The following TBC1D30 variants were observed in gnomAD, a reference collection of about 807,000 sequenced individuals.
TBC1D30 encodes TBC1 domain family, member 30.
TBC1D30 carries 31 observed loss-of-function variants against 63.2 expected under a neutral mutation model. The ratio of observed to expected loss-of-function variants is 0.49; its 90% confidence interval spans 0.37 to 0.66. TBC1D30 has a LOEUF of 0.66. Among genes scored for constraint, TBC1D30 ranks in the 30% least tolerant of loss-of-function variants. The pLI, the probability that TBC1D30 is intolerant of heterozygous loss-of-function variation, is 0.00. For missense variants in TBC1D30, 810 were observed against 953.6 expected (o/e 0.85, Z 1.98); for synonymous variants, 307 against 361.5 (o/e 0.85, Z 1.71).
intron 8 of TBC1D30, among the ~76,000 whole-genome samples, chr12:64,861,422 A>G (rs1361573428): frequency 2.0e-5 from 3 of 152,052 alleles, no homozygotes; most frequent in Non-Finnish European, 4.4e-5. Flanking sequence ...TAGTGCTGTC[A>G]GCAAACCCAA....
At chr12:64,864,081 C>T (rs1878007522) in intron 8 of TBC1D30, among the ~76,000 whole-genome samples, 1 of 151,734 alleles carries the variant, frequency 6.6e-6, no homozygotes, top group South Asian at 2.1e-4. Context: ...ACAGCCTAGG[C>T]TTTACACCCT....
At chr12:64,809,561 G>T (rs538205902) in intron 2 of TBC1D30, among the ~76,000 whole-genome samples, 4 of 152,276 alleles carry the variant, frequency 2.6e-5, no homozygotes, top group Admixed American at 1.3e-4. Context: ...ACATGCATGT[G>T]CAAGTGTCCT....
chr12:64,763,236 G>GT (rs1485487488), intron 1 of TBC1D30, among the ~76,000 whole-genome samples: 4 of 152,198 alleles, frequency 2.6e-5, no homozygotes, highest in African/African-American at 9.6e-5. Context: ...GATTATAGGC[G>GT]TGAGTTTTAT....
At chr12:64,771,293 C>T (rs909504393) in intron 1 of TBC1D30, among the ~76,000 whole-genome samples, 2 of 152,080 alleles carry the variant, frequency 1.3e-5, no homozygotes, top group Middle Eastern at 3.4e-3. Flanking sequence ...GTCATGACAT[C>T]TATAGCAGGA....
rs1565698424 is a variant in TBC1D30, at chr12:64,877,742, C to T, written c.*1954C>T. 1 of 152,254 alleles carries T rather than the reference C, an allele frequency of 6.6e-6. No homozygotes were observed. The highest frequency in any genetic ancestry group is 1.5e-5 in the Non-Finnish European group (1 of 68,068). The allele number at this position is 152,254 out of a possible 1,614,324, so 9.4% of individuals were successfully genotyped here. On this transcript the variant is annotated 3_prime_UTR_variant, in exon 12 of 12. Coordinates refer to ENST00000539867, the MANE Select transcript of TBC1D30 (RefSeq NM_015279.2). ...TTAAGCAAATGACACCATTTTCTTC[C>T]ATCAGCTAAACTTTACAGATAATAG...
intron 8 of TBC1D30, among the ~76,000 whole-genome samples, chr12:64,847,554 C>T (rs1161080199): frequency 6.6e-6 from 1 of 151,662 alleles, no homozygotes; most frequent in Non-Finnish European, 1.5e-5. Context: ...TTCACTGTGA[C>T]CCCATAGGTT....
chr12:64,832,684 G>A (rs901863538), intron 5 of TBC1D30, among the ~76,000 whole-genome samples: 2 of 152,208 alleles, frequency 1.3e-5, no homozygotes, highest in African/African-American at 4.8e-5. Flanking sequence ...CATCACTGTT[G>A]CTGTTGGTTG....
At chr12:64,794,690 C>T (rs974282908) in intron 2 of TBC1D30, among the ~76,000 whole-genome samples, 2 of 152,158 alleles carry the variant, frequency 1.3e-5, no homozygotes, top group Admixed American at 6.5e-5. Context: ...CCCCCTATCT[C>T]GGCCTCCCAA....
intron 1 of TBC1D30, among the ~76,000 whole-genome samples, chr12:64,769,384 T>G (rs1870825292): frequency 1.3e-5 from 2 of 151,400 alleles, no homozygotes; most frequent in Admixed American, 1.3e-4. Context: ...TTTTGTAATT[T>G]TTTTTTTTTT....
exon 2 of TBC1D30, chr12:64,785,886 A>C: frequency 7.8e-7 from 1 of 1,289,358 alleles, no homozygotes; most frequent in Non-Finnish European, 1.0e-6. Context: ...GATAGACGCT[A>C]ATGAACTGAA....
intron 2 of TBC1D30, among the ~76,000 whole-genome samples, chr12:64,790,665 C>T (rs1030963467): frequency 3.9e-5 from 6 of 152,212 alleles, no homozygotes; most frequent in African/African-American, 1.2e-4. Context: ...TGTCCACTCT[C>T]ACATCCTGAT....
chr12:64,828,368 C>G lies in TBC1D30; in HGVS notation c.217-76C>G. 2.8e-6 allele frequency: 3 copies of G among 1,085,580 alleles called. No individual in the cohort carries two copies. The Admixed American group carries it at 6.1e-5, about 22-fold the overall frequency. The allele number at this position is 1,085,580 out of a possible 1,614,324, so 67.2% of individuals were successfully genotyped here. ...AAATTTCAGCACATTCTATGAATGT[C>G]AAGATGGGAAAAAGATTGCAAAGTG... On this transcript the variant is annotated intron_variant, in intron 2 of 11. Transcript: ENST00000539867.
intron 6 of TBC1D30, among the ~76,000 whole-genome samples, chr12:64,837,073 G>A (rs551066108): frequency 2.6e-4 from 39 of 152,260 alleles, no homozygotes; most frequent in African/African-American, 9.1e-4. Context: ...GCTAAGAGCC[G>A]CTGCTATCTA....
In TBC1D30 at chr12:64,875,398, G is replaced by T; in HGVS notation, c.1896G>T (p.Thr632=). The change falls in exon 12 of 12, where the codon ACG becomes ACT. Residue 632 remains threonine, a synonymous_variant. Transcript: ENST00000539867. ...GSSPEGSTRR[T]IEGQSPEPVF... ...GCCCTGAAGGCAGTACCAGGAGGAC[G>T]ATCGAGGGGCAGTCTCCGGAGCCGG... The T allele has an allele frequency of 6.5e-7, 1 of 1,536,226 alleles. No homozygotes were observed. Among genetic ancestry groups the T allele is most frequent in the South Asian group, 1.2e-5 (1 of 84,058 alleles).
rs1037973096 is a variant in TBC1D30 at position 64,840,051 on chromosome 12, A to T, written c.932+1200A>T. Among the ~76,000 whole-genome samples the T allele has an allele frequency of 3.4e-4, 51 of 150,406 alleles. 1 individual carries two copies. Among genetic ancestry groups the T allele is most frequent in the Admixed American group, 2.6e-3 (39 of 15,122 alleles). ...AAATCCACCAACTATCAATTCAGGG[A>T]CTTAAAAAAATTATTATTGTGTGTA... On this transcript the variant is annotated intron_variant, in intron 7 of 11. Transcript: ENST00000539867.
intron 2 of TBC1D30, among the ~76,000 whole-genome samples, chr12:64,796,970 A>G (rs966626708): frequency 7.4e-6 from 1 of 135,962 alleles, no homozygotes; most frequent in Non-Finnish European, 1.5e-5. Context: ...AATATGACTT[A>G]TACTGAATGC....
chr12:64,865,132 AG>A (rs1168373666), intron 9 of TBC1D30, among the ~76,000 whole-genome samples: 1 of 151,504 alleles, frequency 6.6e-6, no homozygotes, highest in Non-Finnish European at 1.5e-5. Flanking sequence ...ATTGATAAAG[AG>A]TTTATCATAT....
intron 2 of TBC1D30, among the ~76,000 whole-genome samples, chr12:64,812,585 C>A (rs1266433753): frequency 1.3e-5 from 2 of 152,036 alleles, no homozygotes; most frequent in African/African-American, 4.8e-5. Context: ...AAAATGTATT[C>A]AAGACCAGAC....
chr12:64,848,437 G>T (rs139796300), intron 8 of TBC1D30, among the ~76,000 whole-genome samples: 2 of 151,824 alleles, frequency 1.3e-5, no homozygotes. Flanking sequence ...CCCATACCCC[G>T]CGACAGGCCC....
Sources: gnomAD v4.1 joint callset for allele counts (sites outside exome capture counted in the v4.1 genomes callset) on GRCh38, gnomAD v4.1.1 for gene constraint, MANE v1.5 for transcripts, NCBI Gene and HGNC (gene_info 2026-07-23, HGNC 2026-07-21) for gene names.